Variants in LRP1B observed in about 807,000 individuals in gnomAD.
LRP1B encodes the protein LDL receptor related protein 1B.
In LRP1B, 217 loss-of-function variants were observed where a neutral mutation model predicts 556.6. That is an observed-to-expected ratio of 0.39 (90% confidence interval 0.35 to 0.44). LRP1B has a LOEUF of 0.44. Among genes scored for constraint, LRP1B ranks in the 20% least tolerant of loss-of-function variants. The probability of loss-of-function intolerance (pLI) is 1.00; values close to 1 mark genes in which losing one functional copy is unlikely to be tolerated. For missense variants in LRP1B, 5,053 were observed against 5,620.8 expected (o/e 0.90, Z 3.23); for synonymous variants, 2,047 against 1,865.8 (o/e 1.10, Z -2.50).
At chr2:140,671,335 A>C (rs555988544) in intron 41 of LRP1B, among the ~76,000 whole-genome samples, 1 of 152,280 alleles carries the variant, frequency 6.6e-6, no homozygotes, top group East Asian at 1.9e-4. Context: ...CCTGGCTAAC[A>C]CGGTGAAACC....
At chr2:141,959,996 G>A (rs1196785622) in intron 1 of LRP1B, among the ~76,000 whole-genome samples, 3 of 151,862 alleles carry the variant, frequency 2.0e-5, no homozygotes, top group East Asian at 1.9e-4. Flanking sequence ...TCCCAAGAAA[G>A]TTGTTTTGCA....
At chr2:141,266,160 C>G (rs1478787209) in intron 3 of LRP1B, among the ~76,000 whole-genome samples, 1 of 151,772 alleles carries the variant, frequency 6.6e-6, no homozygotes, top group African/African-American at 2.4e-5. Flanking sequence ...TGGTCCCTAC[C>G]AAAAATACAA....
At chr2:141,101,199 C>T (rs1028963461) in intron 7 of LRP1B, among the ~76,000 whole-genome samples, 2 of 152,136 alleles carry the variant, frequency 1.3e-5, no homozygotes, top group African/African-American at 4.8e-5. Context: ...CAATGTGAAA[C>T]CAGATCAAGA....
chr2:141,773,432 C>T lies in LRP1B; in HGVS notation c.205+36847G>A, dbSNP rs374571514. Reference sequence around the variant, plus strand: ...GCAGAAGCAAGGTCAAGTACGGTTTCCTGCAAGAAAAGTCAAGAATCTTAA... The same window carrying T: ...GCAGAAGCAAGGTCAAGTACGGTTTTCTGCAAGAAAAGTCAAGAATCTTAA... On this transcript the variant is annotated intron_variant, in intron 2 of 90. Coordinates refer to ENST00000389484, the MANE Select transcript of LRP1B (RefSeq NM_018557.3). Among the ~76,000 whole-genome samples, 199 of 152,292 alleles carry T rather than the reference C, an allele frequency of 1.3e-3. 2 individuals carry two copies. In the South Asian group the frequency reaches 0.019, roughly 15 times the overall value.
At chr2:140,976,426 T>TA (rs1696600156) in intron 18 of LRP1B, among the ~76,000 whole-genome samples, 1 of 150,192 alleles carries the variant, frequency 6.7e-6, no homozygotes, top group African/African-American at 2.4e-5. Flanking sequence ...TCAATATCCA[T>TA]AAAAATGAGT....
At chr2:141,867,017 TC>T (rs1465545892) in intron 1 of LRP1B, among the ~76,000 whole-genome samples, 2 of 152,214 alleles carry the variant, frequency 1.3e-5, no homozygotes, top group African/African-American at 4.8e-5. Flanking sequence ...CTTCCATTAG[TC>T]TATTTAGGTC....
chr2:141,787,273 A>G (rs1429249278), intron 2 of LRP1B, among the ~76,000 whole-genome samples: 2 of 151,996 alleles, frequency 1.3e-5, no homozygotes, highest in African/African-American at 4.8e-5. Context: ...TTATGTTAAC[A>G]CAAAATCTGT....
intron 7 of LRP1B, among the ~76,000 whole-genome samples, chr2:141,096,638 G>C (rs965597433): frequency 2.8e-5 from 2 of 70,592 alleles, no homozygotes; most frequent in African/African-American, 5.2e-5. Flanking sequence ...GGGAGAGAGA[G>C]AGAGAGAGAG....
At chr2:140,787,674 A>G (rs1312221824) in intron 32 of LRP1B, among the ~76,000 whole-genome samples, 1 of 144,586 alleles carries the variant, frequency 6.9e-6, no homozygotes, top group Non-Finnish European at 1.5e-5. Flanking sequence ...GAGATCAGGC[A>G]ATCCTCCTAG....
chr2:140,823,284 A>G (rs1691388842), intron 31 of LRP1B, among the ~76,000 whole-genome samples: 1 of 85,750 alleles, frequency 1.2e-5, no homozygotes, highest in Admixed American at 1.2e-4. Flanking sequence ...TCAATTGAAC[A>G]GTGGCTCTTC....
At chr2:140,877,051 AT>A (rs889225882) in intron 25 of LRP1B, among the ~76,000 whole-genome samples, 19 of 151,696 alleles carry the variant, frequency 1.3e-4, no homozygotes, top group African/African-American at 4.3e-4. Flanking sequence ...TAATGCTTTC[AT>A]TTTTTTTCCT....
intron 41 of LRP1B, among the ~76,000 whole-genome samples, chr2:140,651,339 CTG>C (rs1422897177): frequency 1.1e-5 from 1 of 90,750 alleles, no homozygotes; most frequent in African/African-American, 4.7e-5. Context: ...ATATCACACT[CTG>C]GGGACTGTTG....
At chr2:141,337,746 C>A (rs1275992715) in intron 3 of LRP1B, among the ~76,000 whole-genome samples, 1 of 152,062 alleles carries the variant, frequency 6.6e-6, no homozygotes, top group Non-Finnish European at 1.5e-5. Context: ...TTTGTTATTT[C>A]TTTTTATCTT....
chr2:141,304,475 A>T (rs200046758), intron 3 of LRP1B, among the ~76,000 whole-genome samples: 82 of 83,856 alleles, frequency 9.8e-4, no homozygotes, highest in African/African-American at 3.0e-3. Context: ...AGTTTCATTC[A>T]TTTTTTTTTT....
At chr2:140,829,039 C>A (rs1691624620) in intron 31 of LRP1B, among the ~76,000 whole-genome samples, 1 of 151,714 alleles carries the variant, frequency 6.6e-6, no homozygotes, top group Non-Finnish European at 1.5e-5. Flanking sequence ...CAAAGAAGGT[C>A]AACATATAAT....
chr2:141,252,578 T>A (rs1417885910), intron 4 of LRP1B, among the ~76,000 whole-genome samples: 3 of 152,212 alleles, frequency 2.0e-5, no homozygotes, highest in Non-Finnish European at 4.4e-5. Context: ...GTAATAATTC[T>A]TATCTATTTT....
intron 41 of LRP1B, among the ~76,000 whole-genome samples, chr2:140,608,047 T>G (rs1008720068): frequency 6.6e-6 from 1 of 151,908 alleles, no homozygotes; most frequent in Non-Finnish European, 1.5e-5. Context: ...TCCACCAGTC[T>G]AATTTACTAA....
chr2:140,840,887 GA>G, intron 30 of LRP1B, 30 bp downstream of exon 30: 1 of 1,405,792 alleles, frequency 7.1e-7, no homozygotes, highest in Non-Finnish European at 9.2e-7. Context: ...TGAAATTTTG[GA>G]AAAACTTTAA....
chr2:141,220,196 T>C (rs537130561), intron 6 of LRP1B, among the ~76,000 whole-genome samples: 5 of 152,132 alleles, frequency 3.3e-5, no homozygotes, highest in Middle Eastern at 3.2e-3. Context: ...TTACAGGAGA[T>C]GTTAACCAGA....
Sources: allele counts gnomAD v4.1 joint callset (sites outside exome capture counted in the v4.1 genomes callset), GRCh38; gene constraint gnomAD v4.1.1; transcripts MANE v1.5; gene names NCBI Gene and HGNC (gene_info 2026-07-23, HGNC 2026-07-21).